The following GHR variants were observed in gnomAD, a reference collection of about 807,000 sequenced individuals.
GHR encodes the protein growth hormone receptor, also known as GH receptor.
A neutral mutation model predicts 67.1 loss-of-function variants in GHR; 35 were observed. The ratio of observed to expected loss-of-function variants is 0.52; its 90% CI spans 0.40 to 0.69. GHR has a LOEUF of 0.69. Ranked by LOEUF, GHR falls within the 30% of genes least tolerant of loss-of-function variation. GHR has a pLI of 0.00. For missense variants in GHR, 792 were observed against 764.6 expected, an observed-to-expected ratio of 1.04 and a Z score of -0.42; for synonymous variants, 272 against 269.1, an observed-to-expected ratio of 1.01 and a Z score of -0.10.
chr5:42,603,704 G>A (rs1490573317), intron 2 of GHR, among the ~76,000 whole-genome samples: 1 of 152,288 alleles, frequency 6.6e-6, no homozygotes, highest in South Asian at 2.1e-4. Context: ...AATCAGTAAA[G>A]AAGCCCTTTG....
intron 1 of GHR, among the ~76,000 whole-genome samples, chr5:42,470,412 T>C (rs373723894): frequency 2.6e-5 from 4 of 152,058 alleles, no homozygotes; most frequent in East Asian, 3.8e-4. Context: ...CTGAAGAATA[T>C]TTCAGTTAGC....
At chr5:42,535,983 G>A (rs1313399730) in intron 1 of GHR, among the ~76,000 whole-genome samples, 1 of 152,110 alleles carries the variant, frequency 6.6e-6, no homozygotes, top group Non-Finnish European at 1.5e-5. Context: ...CTGGTGTATA[G>A]AAGAGCTACT....
At chr5:42,458,186 G>C (rs1308555930) in intron 1 of GHR, among the ~76,000 whole-genome samples, 1 of 152,006 alleles carries the variant, frequency 6.6e-6, no homozygotes, top group African/African-American at 2.4e-5. Flanking sequence ...TTGTCTCTCT[G>C]AAACTGAGGC....
chr5:42,708,347 T>C (rs1388187064), intron 6 of GHR, among the ~76,000 whole-genome samples: 1 of 152,192 alleles, frequency 6.6e-6, no homozygotes, highest in Non-Finnish European at 1.5e-5. Context: ...AATACAGTCA[T>C]CTTCCTTTAA....
intron 2 of GHR, among the ~76,000 whole-genome samples, chr5:42,600,701 C>T (rs1007436056): frequency 1.3e-5 from 2 of 152,154 alleles, no homozygotes; most frequent in African/African-American, 4.8e-5. Flanking sequence ...GGGTATGACA[C>T]CTGGCCTACC....
At chr5:42,562,910 A>G (rs1412117969) in intron 1 of GHR, among the ~76,000 whole-genome samples, 1 of 152,026 alleles carries the variant, frequency 6.6e-6, no homozygotes, top group Non-Finnish European at 1.5e-5. Context: ...CGGCCCCCCA[A>G]AGTGCTGGGA....
At chr5:42,706,613 G>C (rs1561244973) in intron 6 of GHR, among the ~76,000 whole-genome samples, 1 of 152,028 alleles carries the variant, frequency 6.6e-6, no homozygotes, top group African/African-American at 2.4e-5. Context: ...CATATAACTA[G>C]CCAGTTACCC....
chr5:42,484,832 T>A (rs1579797484), intron 1 of GHR, among the ~76,000 whole-genome samples: 1 of 152,206 alleles, frequency 6.6e-6, no homozygotes, highest in East Asian at 1.9e-4. Context: ...TCAGTTTAAA[T>A]TCTGGCCTCA....
rs374889353 is a variant in GHR, at chr5:42,576,089, TAA to T, written c.70+10148_70+10149del. Reference sequence around the variant, plus strand: ...TAAAATAAAATAAAATAAAATAAAATAAAATAAAATAAATAAAATAAAATAAA... The same window carrying T: ...TAAAATAAAATAAAATAAAATAAAATAATAAAATAAATAAAATAAAATAAA... On this transcript the variant is annotated intron_variant, in intron 2 of 9. Transcript: ENST00000230882. 4.6e-4 allele frequency among the ~76,000 whole-genome samples: 37 copies of T among 79,774 alleles called. 1 individual carries two copies. Among genetic ancestry groups the T allele is most frequent in the African/African-American group, 6.2e-4 (9 of 14,586 alleles). 52.3% of individuals were successfully genotyped at this position (79,774 alleles called of 152,430 possible). A position where few individuals can be genotyped will look rare whatever the true frequency, so the allele number is the denominator to read the frequency against.
intron 1 of GHR, among the ~76,000 whole-genome samples, chr5:42,473,104 A>G (rs979069881): frequency 6.6e-6 from 1 of 152,216 alleles, no homozygotes; most frequent in Admixed American, 6.5e-5. Flanking sequence ...AATTTGTATT[A>G]TAAGTCTGTG....
intron 1 of GHR, among the ~76,000 whole-genome samples, chr5:42,540,208 TCTC>T: frequency 6.6e-6 from 1 of 151,942 alleles, no homozygotes; most frequent in African/African-American, 2.4e-5. Context: ...TCTCTCTCTC[TCTC>T]TCTCTCTCTG....
intron 1 of GHR, among the ~76,000 whole-genome samples, chr5:42,509,368 C>T (rs1017849481): frequency 4.6e-5 from 7 of 152,314 alleles, no homozygotes; most frequent in Admixed American, 4.6e-4. Context: ...GTGACAACTC[C>T]TCTATCCTCA....
chr5:42,476,410 AG>A (rs1745323063), intron 1 of GHR, among the ~76,000 whole-genome samples: 1 of 149,840 alleles, frequency 6.7e-6, no homozygotes, highest in Admixed American at 6.6e-5. Flanking sequence ...TAGTAGAGAC[AG>A]GGTTTCACCA....
intron 2 of GHR, among the ~76,000 whole-genome samples, chr5:42,594,692 G>A (rs941254616): frequency 1.3e-5 from 2 of 151,926 alleles, no homozygotes; most frequent in African/African-American, 4.8e-5. Context: ...ACAGAACAGC[G>A]GTTCCCAGAC....
At chr5:42,535,852 T>C (rs929216889) in intron 1 of GHR, among the ~76,000 whole-genome samples, 1 of 152,170 alleles carries the variant, frequency 6.6e-6, no homozygotes, top group Non-Finnish European at 1.5e-5. Context: ...TTTGTAGTTT[T>C]CCTTGTCAAG....
At chr5:42,613,810 A>G (rs943075782) in intron 2 of GHR, among the ~76,000 whole-genome samples, 5 of 152,124 alleles carry the variant, frequency 3.3e-5, no homozygotes, top group Non-Finnish European at 5.9e-5. Context: ...ACAGGCAAAC[A>G]TTCCTGATTC....
intron 1 of GHR, among the ~76,000 whole-genome samples, chr5:42,522,026 G>C (rs1747497064): frequency 6.6e-6 from 1 of 152,078 alleles, no homozygotes; most frequent in South Asian, 2.1e-4. Context: ...AAGATTTTAT[G>C]AAGGGAGAAC....
chr5:42,719,242 C>A lies in GHR; in HGVS notation c.1735C>A (p.Pro579Thr), dbSNP rs6184. The change falls in exon 10 of 10, where the codon CCT becomes ACT. Residue 579 changes from proline (P) to threonine (T), a missense_variant. Transcript: ENST00000230882. ...AAGCCTTACCACTGCTGCTGGGAGGCCTGGGACAGGAGAACATGTTCCAGG... is the reference window on the plus strand; with the variant it reads ...AAGCCTTACCACTGCTGCTGGGAGGACTGGGACAGGAGAACATGTTCCAGG... ...TESLTTAAGR[P>T]GTGEHVPGSE... is the part of the protein sequence containing the mutation. The A allele has an allele frequency of 0.022, 36,284 of 1,613,872 alleles. 1,925 individuals are homozygous for A. Among genetic ancestry groups the A allele is most frequent in the South Asian group, 0.17 (15,445 of 91,044 alleles).
At chr5:42,570,089 T>C (rs1750202403) in intron 2 of GHR, among the ~76,000 whole-genome samples, 1 of 152,226 alleles carries the variant, frequency 6.6e-6, no homozygotes, top group East Asian at 1.9e-4. Flanking sequence ...CACAGAGCTC[T>C]GAGAGGATGT....
Sources: allele counts gnomAD v4.1 joint callset (sites outside exome capture counted in the v4.1 genomes callset), GRCh38; gene constraint gnomAD v4.1.1; transcripts MANE v1.5; gene names NCBI Gene and HGNC (gene_info 2026-07-23, HGNC 2026-07-21).